The following IKZF2 variants were observed in gnomAD, a reference collection of about 807,000 sequenced individuals.
IKZF2 encodes the protein zinc finger protein Helios.
IKZF2 carries 15 observed loss-of-function variants against 49.2 expected under a neutral mutation model. The observed-to-expected ratio is 0.30, with a 90% CI of 0.20 to 0.47. The LOEUF is 0.47. Ranked by LOEUF, IKZF2 falls within the 20% of genes least tolerant of loss-of-function variation. The pLI is 1.00. For synonymous variants in IKZF2, 227 were observed against 221.4 expected, an observed-to-expected ratio of 1.03 and a Z score of -0.23; for missense variants, 567 against 664.6, an observed-to-expected ratio of 0.85 and a Z score of 1.61.
rs1205259368 is a variant in IKZF2 at position 213,007,671 on chromosome 2, G to A, written c.1270C>T (p.Pro424Ser). 6.2e-7 allele frequency: 1 copy of A among 1,613,542 alleles called. No homozygotes were observed. Among genetic ancestry groups the A allele is most frequent in the East Asian group, 2.2e-5 (1 of 44,852 alleles). The change falls in exon 9 of 9, where the codon CCT becomes TCT. Residue 424 changes from proline to serine, a missense_variant. By Grantham distance (74) the Pro-to-Ser change is moderately conservative. This residue lies in a region of IKZF2 where 310 missense variants were observed against 326.9 expected (regional missense o/e 0.95). Transcript: ENST00000434687. ...TGTTTCCTCTTGGGATTTAAGGCAG[G>A]GTGTCCTTGGTAGGACTGGTGGTCA... is the stretch of plus-strand genomic sequence containing the variant. ...HDDHQSYQGH[P>S]ALNPKRKQSP...
intron 4 of IKZF2, among the ~76,000 whole-genome samples, chr2:213,136,370 C>CAAAAAAAAAAAA (rs11325415): frequency 1.7e-4 from 9 of 53,582 alleles, no homozygotes; most frequent in East Asian, 6.2e-4. Flanking sequence ...GACACTGTCT[C>CAAAAAAAAAAAA]AAAAAAAAAA....
intron 4 of IKZF2, among the ~76,000 whole-genome samples, chr2:213,138,545 A>C (rs997182334): frequency 1.3e-5 from 2 of 152,046 alleles, no homozygotes; most frequent in African/African-American, 4.8e-5. Flanking sequence ...GCTAATCTTA[A>C]GTATTTTCTT....
In IKZF2 at chr2:213,150,181, C is replaced by A. The variant is rs1369776770; in HGVS notation, c.-53G>T. 9 of 1,303,662 alleles carry A rather than the reference C, an allele frequency of 6.9e-6. No individual in the cohort carries two copies. The highest frequency in any genetic ancestry group is 9.1e-6 in the Non-Finnish European group (9 of 988,294). The allele number at this position is 1,303,662 out of a possible 1,614,324, so 80.8% of individuals were successfully genotyped here. ...CCTTTGATTAAAAAAGATTCATCACCATTTCCAGCTCTGTCGGGAGATCTC... is the reference window on the plus strand; with the variant it reads ...CCTTTGATTAAAAAAGATTCATCACAATTTCCAGCTCTGTCGGGAGATCTC... On this transcript the variant is annotated 5_prime_UTR_variant, in exon 2 of 9. An upstream start codon of the reference 5' UTR is lost. Coordinates refer to ENST00000434687, the MANE Select transcript of IKZF2 (RefSeq NM_001387220.1).
At position 213,047,601 on chromosome 2, in the gene IKZF2, C is replaced by T. The variant is rs964960236; in HGVS notation, c.574+2112G>A. On this transcript the variant is annotated intron_variant, in intron 6 of 8. Coordinates refer to ENST00000434687, the MANE Select transcript of IKZF2 (RefSeq NM_001387220.1). ...TTTCTCCAGGTTTCAGAGATCTGGT[C>T]CTGTTGTATTGGAAGCTGAGAATAC... 2.0e-5 allele frequency among the ~76,000 whole-genome samples: 3 copies of T among 152,058 alleles called. No homozygotes were observed. The East Asian group carries it at 5.8e-4, about 29-fold the overall frequency.
chr2:213,089,178 C>T lies in IKZF2; in HGVS notation c.140-32079G>A, dbSNP rs369824098. Among the ~76,000 whole-genome samples, 134 of 152,312 alleles carry T rather than the reference C, an allele frequency of 8.8e-4. 1 individual carries two copies. Among genetic ancestry groups the T allele is most frequent in the African/African-American group, 3.1e-3 (127 of 41,582 alleles). ...TATTCACCAGGCTACTTAAGCCAAA[C>T]ACTAGCAGTCACTCCTTAGACCTCT... On this transcript the variant is annotated intron_variant, in intron 4 of 8. Coordinates refer to ENST00000434687, the MANE Select transcript of IKZF2 (RefSeq NM_001387220.1).
chr2:213,034,693 C>G (rs1383191885), intron 6 of IKZF2, among the ~76,000 whole-genome samples: 1 of 152,058 alleles, frequency 6.6e-6, no homozygotes, highest in East Asian at 1.9e-4. Flanking sequence ...AGAAAGATCA[C>G]AGATCACAAA....
chr2:213,062,366 A>ATTT (rs1701775631), intron 4 of IKZF2, among the ~76,000 whole-genome samples: 1 of 151,634 alleles, frequency 6.6e-6, no homozygotes, highest in South Asian at 2.1e-4. Flanking sequence ...ATTATGATTT[A>ATTT]TTTTCTCTAT....
intron 4 of IKZF2, among the ~76,000 whole-genome samples, chr2:213,135,020 G>A (rs977391974): frequency 1.3e-5 from 2 of 152,032 alleles, no homozygotes; most frequent in African/African-American, 4.8e-5. Flanking sequence ...TAGGCCTTAA[G>A]TTATTTTCGC....
intron 4 of IKZF2, among the ~76,000 whole-genome samples, chr2:213,124,436 T>C (rs1413739507): frequency 2.0e-5 from 3 of 152,182 alleles, no homozygotes; most frequent in Non-Finnish European, 4.4e-5. Flanking sequence ...GCCTTCTGCC[T>C]AGGGATTATC....
At position 213,006,264 on chromosome 2, in the gene IKZF2, T is replaced by C. The variant is rs567694526; in HGVS notation, c.*1096A>G. The C allele has an allele frequency of 6.6e-6, 1 of 152,420 alleles. No individual in the cohort carries two copies. The highest frequency in any genetic ancestry group is 1.9e-4 in the East Asian group (1 of 5,154). 9.4% of individuals were successfully genotyped at this position (152,420 alleles called of 1,614,324 possible). On this transcript the variant is annotated 3_prime_UTR_variant, in exon 9 of 9. Transcript: ENST00000434687. ...CTCGAAGAGTAAAGGATGAATGAAC[T>C]ATGGACAGAACACCGGGAGGTCACA... is the stretch of plus-strand genomic sequence containing the variant.
rs918257825 is a variant in IKZF2, at chr2:213,030,812, C to CTT, written c.575-8684_575-8683dup. Reference sequence around the variant, plus strand: ...AAAAGCCAGCATTAGTACTATTTTTCTTTTTTTTTTTTTTTTGTTTGGTGA... The same window carrying CTT: ...AAAAGCCAGCATTAGTACTATTTTTCTTTTTTTTTTTTTTTTTTGTTTGGTGA... On this transcript the variant is annotated intron_variant, in intron 6 of 8. Transcript: ENST00000434687. 6.8e-4 allele frequency among the ~76,000 whole-genome samples: 91 copies of CTT among 133,684 alleles called. 1 individual carries two copies. The highest frequency in any genetic ancestry group is 1.0e-3 in the African/African-American group (36 of 36,078). 87.7% of individuals were successfully genotyped at this position (133,684 alleles called of 152,430 possible). A position where few individuals can be genotyped will look rare whatever the true frequency, so the allele number is the denominator to read the frequency against.
chr2:213,067,768 C>T (rs1382260107), intron 4 of IKZF2, among the ~76,000 whole-genome samples: 1 of 151,996 alleles, frequency 6.6e-6, no homozygotes, highest in East Asian at 1.9e-4. Flanking sequence ...ATATATGTGT[C>T]TGTCTTTTTA....
chr2:213,035,201 A>G (rs1698880957), intron 6 of IKZF2, among the ~76,000 whole-genome samples: 1 of 152,128 alleles, frequency 6.6e-6, no homozygotes, highest in African/African-American at 2.4e-5. Context: ...TTTAATCCAT[A>G]TGGAAAACTC....
chr2:213,151,740 G>T (rs889684949), upstream of IKZF2: 12 of 143,542 alleles, frequency 8.4e-5, no homozygotes, highest in African/African-American at 3.2e-4. Flanking sequence ...CGGCGGCGGC[G>T]GCGGGCGGCT....
intron 6 of IKZF2, among the ~76,000 whole-genome samples, chr2:213,048,696 C>T (rs1700399430): frequency 6.6e-6 from 1 of 151,712 alleles, no homozygotes; most frequent in Non-Finnish European, 1.5e-5. Context: ...TGTAACTGCC[C>T]CAAATTTAAG....
Position 213,074,214 on chromosome 2 carries a change from A to C in IKZF2, c.140-17115T>G, listed in dbSNP as rs184172754. Among the ~76,000 whole-genome samples, 112 of 152,318 alleles carry C rather than the reference A, an allele frequency of 7.4e-4. 1 individual carries two copies. The highest frequency in any genetic ancestry group is 1.3e-3 in the Non-Finnish European group (87 of 68,032). On this transcript the variant is annotated intron_variant, in intron 4 of 8. Coordinates refer to ENST00000434687, the MANE Select transcript of IKZF2 (RefSeq NM_001387220.1). ...GACATGTTTATAACTATTACATAAA[A>C]TCAACTATCACCTAACTACAGGAAT...
chr2:213,137,799 G>T (rs960158556), intron 4 of IKZF2, among the ~76,000 whole-genome samples: 3 of 152,054 alleles, frequency 2.0e-5, no homozygotes, highest in African/African-American at 7.2e-5. Flanking sequence ...ACTTGTAGAA[G>T]AAATTATGCC....
intron 4 of IKZF2, among the ~76,000 whole-genome samples, chr2:213,080,198 A>ATAGATAGATAGATAGATAGG (rs142164690): frequency 0.056 from 8,570 of 151,814 alleles, 250 homozygotes; most frequent in Non-Finnish European, 0.068. Context: ...AGATAGATAG[A>ATAGATAGATAGATAGATAGG]TAGATAGATA....
intron 5 of IKZF2, among the ~76,000 whole-genome samples, chr2:213,053,224 A>G (rs1379489940): frequency 6.6e-6 from 1 of 152,148 alleles, no homozygotes; most frequent in Admixed American, 6.6e-5. Flanking sequence ...ACAAAACTGG[A>G]TCGAGGAAAA....
Sources: gnomAD v4.1 joint callset for allele counts (sites outside exome capture counted in the v4.1 genomes callset) on GRCh38, gnomAD v4.1.1 for gene constraint, gnomAD v4.1.1 regional missense constraint, MANE v1.5 for transcripts, NCBI Gene and HGNC (gene_info 2026-07-23, HGNC 2026-07-21) for gene names.